ATPAF1: variants seen among roughly 807,000 people sequenced by gnomAD.
ATPAF1 encodes ATP synthase mitochondrial F1 complex assembly factor 1.
Under a neutral mutation model 43.9 loss-of-function variants are expected in ATPAF1, and 26 were observed. The ratio of observed to expected loss-of-function variants is 0.59; its 90% CI spans 0.43 to 0.82. The LOEUF (loss-of-function observed/expected upper bound fraction) is 0.82. ATPAF1 is among the 40% of genes least tolerant of loss of function. ATPAF1 has a pLI of 0.00. For synonymous variants in ATPAF1, 157 were observed against 168.0 expected, an observed-to-expected ratio of 0.93 and a Z score of 0.50; for missense variants, 366 against 435.0, an observed-to-expected ratio of 0.84 and a Z score of 1.41.
chr1:46,668,357 T>G lies in ATPAF1; in HGVS notation c.-35A>C. ...CGCCTCCTCCTCCTCCTCAGGCGCG[T>G]CGGCCTCGGCCCGCGGCCCGCGCGC... On this transcript the variant is annotated 5_prime_UTR_variant, in exon 1 of 9. Transcript: ENST00000574428. The surrounding 1 kb of genome is among the most constrained non-coding windows in gnomAD (Gnocchi z 4.4). The G allele has an allele frequency of 7.7e-7, 1 of 1,294,254 alleles. No homozygotes were observed. The highest frequency in any genetic ancestry group is 9.8e-7 in the Non-Finnish European group (1 of 1,019,954). 80.2% of individuals were successfully genotyped at this position (1,294,254 alleles called of 1,614,324 possible).
chr1:46,640,090 C>T (rs1440753510), intron 8 of ATPAF1, among the ~76,000 whole-genome samples: 2 of 152,198 alleles, frequency 1.3e-5, no homozygotes, highest in Non-Finnish European at 2.9e-5. Flanking sequence ...CCCATTAGGA[C>T]TCATAATTCT....
intron 2 of ATPAF1, among the ~76,000 whole-genome samples, chr1:46,663,613 C>A (rs1676437081): frequency 1.4e-5 from 2 of 146,872 alleles, no homozygotes; most frequent in Admixed American, 1.4e-4. Context: ...ATCCTTTGTC[C>A]ACTTTTTGAT....
chr1:46,665,180 T>C (rs1264398859), intron 2 of ATPAF1, 76 bp downstream of exon 2: 4 of 1,459,338 alleles, frequency 2.7e-6, no homozygotes, highest in Non-Finnish European at 9.6e-7. Context: ...ATAAACCAAC[T>C]TTAAGGATAA....
At chr1:46,650,771 CAG>C (rs1399306158) in intron 6 of ATPAF1, among the ~76,000 whole-genome samples, 2 of 147,804 alleles carry the variant, frequency 1.4e-5, no homozygotes, top group East Asian at 4.0e-4. Context: ...AAGCCACGCA[CAG>C]AGAGACAAAT....
rs929266853 is a variant in ATPAF1, at chr1:46,640,659, CA to C, written c.792+2534del. Among the ~76,000 whole-genome samples the C allele has an allele frequency of 3.3e-5, 5 of 151,716 alleles. No homozygotes were observed. In the South Asian group the frequency reaches 1.0e-3, roughly 32 times the overall value. On this transcript the variant is annotated intron_variant, in intron 8 of 8. Coordinates refer to ENST00000574428, the Ensembl canonical transcript of ATPAF1. ...AAAAACAAACAAACAAACAAACAAACAAAAAAAGAGTTTTTCCCCCTAATCA... is the reference window on the plus strand; with the variant it reads ...AAAAACAAACAAACAAACAAACAAACAAAAAAGAGTTTTTCCCCCTAATCA...
At chr1:46,661,342 C>T (rs1329940233) in intron 2 of ATPAF1, among the ~76,000 whole-genome samples, 1 of 152,126 alleles carries the variant, frequency 6.6e-6, no homozygotes, top group Non-Finnish European at 1.5e-5. Context: ...TCCCAAAGTA[C>T]TAGGATTACA....
Position 46,653,718 on chromosome 1 carries a change from A to G in ATPAF1, c.540+99T>C. Reference sequence around the variant, plus strand: ...GGGCTGTAAAATGCAGCTTCTCAAGAGGCAATAAACATAGGAAAAGTAAAG... The same window carrying G: ...GGGCTGTAAAATGCAGCTTCTCAAGGGGCAATAAACATAGGAAAAGTAAAG... On this transcript the variant is annotated intron_variant, in intron 5 of 8. Transcript: ENST00000574428. This position sits in a 1 kb window ranked among gnomAD's most constrained non-coding sequence, Gnocchi z 4.8. 9.0e-7 allele frequency: 1 copy of G among 1,109,650 alleles called. No homozygotes were observed. Among genetic ancestry groups the G allele is most frequent in the Non-Finnish European group, 1.3e-6 (1 of 765,388 alleles). The allele number at this position is 1,109,650 out of a possible 1,614,324, so 68.7% of individuals were successfully genotyped here. A position where few individuals can be genotyped will look rare whatever the true frequency, so the allele number is the denominator to read the frequency against.
rs535269312 is a variant in ATPAF1, at chr1:46,660,975, TAA to T, written c.376-2240_376-2239del. On this transcript the variant is annotated intron_variant, in intron 2 of 8. Coordinates refer to ENST00000574428, the Ensembl canonical transcript of ATPAF1. ...AACCTTTTTTTTTTAAACACTGCTTTAATACTAAAATTTCCAGAAATGCAACT... is the reference window on the plus strand; with the variant it reads ...AACCTTTTTTTTTTAAACACTGCTTTTACTAAAATTTCCAGAAATGCAACT... Among the ~76,000 whole-genome samples, 5 of 152,154 alleles carry T rather than the reference TAA, an allele frequency of 3.3e-5. No homozygotes were observed. In the South Asian group the frequency reaches 1.0e-3, roughly 32 times the overall value.
intron 8 of ATPAF1, chr1:46,636,185 G>A: frequency 4.8e-6 from 3 of 621,088 alleles, no homozygotes; most frequent in Non-Finnish European, 8.6e-6. Context: ...ACACTGTATT[G>A]TATTTTTCCT....
chr1:46,635,632 CTG>C, exon 9 of ATPAF1: 2 of 714,404 alleles, frequency 2.8e-6, no homozygotes, highest in Non-Finnish European at 4.6e-6. Flanking sequence ...GGGCTCATCT[CTG>C]TGACTGCTTG....
At chr1:46,667,342 T>C (rs114495068) in intron 1 of ATPAF1, among the ~76,000 whole-genome samples, 2,075 of 152,238 alleles carry the variant, frequency 0.014, 42 homozygotes, top group African/African-American at 0.048. Context: ...CCCCTTTAAT[T>C]TTCACCTCTG....
chr1:46,651,134 T>C (rs1355446871), intron 6 of ATPAF1, among the ~76,000 whole-genome samples: 2 of 152,100 alleles, frequency 1.3e-5, no homozygotes, highest in Non-Finnish European at 2.9e-5. Flanking sequence ...TATCTCCCAG[T>C]GCTATCCCTC....
intron 2 of ATPAF1, among the ~76,000 whole-genome samples, chr1:46,662,029 G>T (rs2148826088): frequency 6.6e-6 from 1 of 152,058 alleles, no homozygotes; most frequent in South Asian, 2.1e-4. Context: ...CGAGTAGCTG[G>T]GACTACAGGC....
chr1:46,634,750 T>C (rs561720502), downstream of ATPAF1: 1 of 152,656 alleles, frequency 6.6e-6, no homozygotes, highest in South Asian at 2.1e-4. Context: ...ACAGTGACAC[T>C]ACAAACGAAA....
chr1:46,665,703 A>G, intron 1 of ATPAF1: 7 of 1,534,270 alleles, frequency 4.6e-6, no homozygotes, highest in Non-Finnish European at 6.1e-6. Context: ...TCAGACAAGA[A>G]TCCTATAGCC....
At chr1:46,647,336 C>G (rs1275795011) in intron 6 of ATPAF1, among the ~76,000 whole-genome samples, 1 of 152,226 alleles carries the variant, frequency 6.6e-6, no homozygotes, top group Non-Finnish European at 1.5e-5. Flanking sequence ...TCATCCCATA[C>G]CCACAAATTG....
chr1:46,661,076 G>GT (rs750804116), intron 2 of ATPAF1, among the ~76,000 whole-genome samples: 446 of 142,724 alleles, frequency 3.1e-3, no homozygotes, highest in Non-Finnish European at 3.7e-3. Flanking sequence ...GGTTTTGGAG[G>GT]TTTTTTTTTT....
At chr1:46,636,920 A>G (rs1293458160) in intron 8 of ATPAF1, among the ~76,000 whole-genome samples, 1 of 152,190 alleles carries the variant, frequency 6.6e-6, no homozygotes, top group African/African-American at 2.4e-5. Context: ...GCCAAGAGCC[A>G]TGTGAGTGGG....
intron 2 of ATPAF1, among the ~76,000 whole-genome samples, chr1:46,660,170 G>T (rs941377145): frequency 6.6e-6 from 1 of 151,958 alleles, no homozygotes; most frequent in Non-Finnish European, 1.5e-5. Flanking sequence ...TAGAGATGGG[G>T]TTTCACCATG....
Sources: allele counts gnomAD v4.1 joint callset (sites outside exome capture counted in the v4.1 genomes callset), GRCh38; gene constraint gnomAD v4.1.1; non-coding constraint Gnocchi (gnomAD v3.1); transcripts MANE v1.5; gene names NCBI Gene and HGNC (gene_info 2026-07-23, HGNC 2026-07-21).